KREMEN1: variants seen among roughly 807,000 people sequenced by gnomAD.
KREMEN1 encodes kringle containing transmembrane protein 1.
In KREMEN1, 30 loss-of-function variants were observed where a neutral mutation model predicts 46.5. The ratio of observed to expected loss-of-function variants is 0.65; its 90% CI spans 0.48 to 0.88. The LOEUF is 0.88. Among genes scored for constraint, KREMEN1 ranks in the 40% least tolerant of loss-of-function variants. KREMEN1 has a pLI of 0.00. For missense variants in KREMEN1, 533 were observed against 596.9 expected (o/e 0.89, Z 1.11); for synonymous variants, 214 against 230.6 (o/e 0.93, Z 0.65).
Position 29,076,239 on chromosome 22 carries a change from T to C in KREMEN1, c.97+3012T>C, listed in dbSNP as rs1353796343. Among the ~76,000 whole-genome samples, 3 of 152,232 alleles carry C rather than the reference T, an allele frequency of 2.0e-5. No homozygotes were observed. In the East Asian group the frequency reaches 5.8e-4, roughly 29 times the overall value. On this transcript the variant is annotated intron_variant, in intron 1 of 8. Transcript: ENST00000400335. ...TTGCTGTGAATACCTTTTATAAGTT[T>C]ATAGACTGATGCTCATTCTCCTCTA...
At chr22:29,114,995 A>G (rs187712529) in intron 3 of KREMEN1, among the ~76,000 whole-genome samples, 1 of 152,340 alleles carries the variant, frequency 6.6e-6, no homozygotes, top group Non-Finnish European at 1.5e-5. Flanking sequence ...AGACAGTGAG[A>G]AGAAAGGAGT....
chr22:29,158,707 CA>C (rs1287384720), intron 9 of KREMEN1, among the ~76,000 whole-genome samples: 1 of 152,236 alleles, frequency 6.6e-6, no homozygotes, highest in Non-Finnish European at 1.5e-5. Flanking sequence ...CAGATGGCCC[CA>C]CCTCCAGGGC....
chr22:29,074,984 CTGGGAA>C (rs1343037130), intron 1 of KREMEN1, among the ~76,000 whole-genome samples: 2 of 152,140 alleles, frequency 1.3e-5, no homozygotes, highest in Admixed American at 1.3e-4. Flanking sequence ...CTCATTTACC[CTGGGAA>C]TGCTAAGAGC....
At chr22:29,078,960 C>G (rs1258410818) in intron 1 of KREMEN1, among the ~76,000 whole-genome samples, 3 of 152,230 alleles carry the variant, frequency 2.0e-5, no homozygotes, top group South Asian at 4.1e-4. Context: ...GAGAATCCAG[C>G]TGGAACCCGT....
chr22:29,134,779 A>G (rs1196142405), intron 5 of KREMEN1, among the ~76,000 whole-genome samples: 3 of 152,206 alleles, frequency 2.0e-5, no homozygotes, highest in East Asian at 1.9e-4. Flanking sequence ...ACGGGCTGCT[A>G]TCAGCTTGTG....
intron 9 of KREMEN1, among the ~76,000 whole-genome samples, chr22:29,160,116 A>G (rs1175483807): frequency 2.6e-5 from 4 of 152,166 alleles, no homozygotes; most frequent in African/African-American, 9.7e-5. Flanking sequence ...TCATCCACAC[A>G]TGGAACATAT....
intron 1 of KREMEN1, among the ~76,000 whole-genome samples, chr22:29,080,805 C>T (rs1569310851): frequency 6.6e-6 from 1 of 152,180 alleles, no homozygotes; most frequent in African/African-American, 2.4e-5. Context: ...GGCATCTAGC[C>T]GGTAGAGGCC....
chr22:29,151,970 A>G (rs1463614217), intron 9 of KREMEN1, among the ~76,000 whole-genome samples: 1 of 148,628 alleles, frequency 6.7e-6, no homozygotes, highest in African/African-American at 2.5e-5. Flanking sequence ...AGATTGTGCC[A>G]TTGCACTCCA....
rs2038485827 is a variant in KREMEN1 at position 29,128,751 on chromosome 22, C to G, written c.631+3335C>G. 3.3e-5 allele frequency among the ~76,000 whole-genome samples: 5 copies of G among 152,136 alleles called. No homozygotes were observed. In the South Asian group the frequency reaches 1.0e-3, roughly 32 times the overall value. ...ATGTTATTTAATCCTTGTAGCAATC[C>G]TGTTGATAAGAAAACTGTGGATCAA... On this transcript the variant is annotated intron_variant, in intron 5 of 8. Transcript: ENST00000400335.
chr22:29,127,570 C>T (rs569877272), intron 5 of KREMEN1, among the ~76,000 whole-genome samples: 66 of 151,806 alleles, frequency 4.3e-4, no homozygotes, highest in Non-Finnish European at 9.0e-4. Flanking sequence ...GGCTGAGGCA[C>T]AAGAATCACT....
chr22:29,103,548 C>A (rs941781459), intron 3 of KREMEN1, among the ~76,000 whole-genome samples: 6 of 152,170 alleles, frequency 3.9e-5, no homozygotes, highest in Admixed American at 6.5e-5. Flanking sequence ...TTCTCAGAAA[C>A]CCTAAGTTCT....
chr22:29,089,805 A>G (rs575618619), intron 1 of KREMEN1, among the ~76,000 whole-genome samples: 1 of 152,274 alleles, frequency 6.6e-6, no homozygotes, highest in African/African-American at 2.4e-5. Flanking sequence ...AAATCTGCCA[A>G]GCATATTGCC....
intron 5 of KREMEN1, among the ~76,000 whole-genome samples, chr22:29,133,807 T>A (rs1200388416): frequency 6.6e-6 from 1 of 152,156 alleles, no homozygotes; most frequent in Non-Finnish European, 1.5e-5. Flanking sequence ...GTTCCATTCT[T>A]TTTTTCTTCT....
downstream of KREMEN1, among the ~76,000 whole-genome samples, chr22:29,147,884 G>T (rs1339983518): frequency 1.3e-5 from 2 of 152,228 alleles, no homozygotes; most frequent in Admixed American, 1.3e-4. Context: ...ACGGCCCTGT[G>T]TGCCTGTTTT....
In KREMEN1 at chr22:29,125,383, T is replaced by C; in HGVS notation, c.598T>C (p.Cys200Arg). ...CTGCTTCGGGGATCACACCCAACCC[T>C]GTGGTGGCGATGGCAGGATCATCCT... ...SVCFGDHTQPCGGDGRIILFD... is the reference protein window; with the variant it reads ...SVCFGDHTQPRGGDGRIILFD... Residue 200 changes from cysteine to arginine, a missense_variant, in exon 5 of 9, where the codon TGT becomes CGT. Cys to Arg is a radical substitution (Grantham distance 180). Coordinates refer to ENST00000400335, the MANE Select transcript of KREMEN1 (RefSeq NM_001039570.3). 1 of 1,614,180 alleles carries C rather than the reference T, an allele frequency of 6.2e-7. No individual in the cohort carries two copies. The highest frequency in any genetic ancestry group is 8.5e-7 in the Non-Finnish European group (1 of 1,180,018).
chr22:29,131,523 CATATATATATATATATATATAT>C (rs148738725), intron 5 of KREMEN1, among the ~76,000 whole-genome samples: 31,894 of 93,526 alleles, frequency 0.34, 5,980 homozygotes, highest in Middle Eastern at 0.52. Flanking sequence ...GTATTCTGTT[CATATATATATATATATATATAT>C]ATATATATAT....
At chr22:29,159,786 G>C (rs138643625) in intron 9 of KREMEN1, among the ~76,000 whole-genome samples, 1 of 152,168 alleles carries the variant, frequency 6.6e-6, no homozygotes, top group Non-Finnish European at 1.5e-5. Context: ...TGATGTTGAG[G>C]ATGGCAGATG....
At position 29,145,956 on chromosome 22, in the gene KREMEN1, T is replaced by G; in HGVS notation, c.*3844T>G. On this transcript the variant is annotated 3_prime_UTR_variant, in exon 9 of 9. Transcript: ENST00000400335. ...AGCCTTCCTGGCCGGGCTCAGGATCTGCCTGCAGCCCAGCCAGGCCATCAC... is the reference window on the plus strand; with the variant it reads ...AGCCTTCCTGGCCGGGCTCAGGATCGGCCTGCAGCCCAGCCAGGCCATCAC... The G allele has an allele frequency of 1.0e-6, 1 of 986,024 alleles. No homozygotes were observed. Among genetic ancestry groups the G allele is most frequent in the Non-Finnish European group, 1.2e-6 (1 of 830,078 alleles). 61.1% of individuals were successfully genotyped at this position (986,024 alleles called of 1,614,324 possible).
chr22:29,125,242 G>T (rs1414621308), intron 4 of KREMEN1, 21 bp from the exon 5 acceptor site: 1 of 1,613,432 alleles, frequency 6.2e-7, no homozygotes, highest in Non-Finnish European at 8.5e-7. Context: ...CTTACCGTGT[G>T]CTGCTTCTCT....
Sources: gnomAD v4.1 joint callset for allele counts (sites outside exome capture counted in the v4.1 genomes callset) on GRCh38, gnomAD v4.1.1 for gene constraint, MANE v1.5 for transcripts, NCBI Gene and HGNC (gene_info 2026-07-23, HGNC 2026-07-21) for gene names.